Variants in PPP1R7 observed in about 807,000 individuals in gnomAD.
PPP1R7 encodes the protein protein phosphatase 1 regulatory subunit 22.
A neutral mutation model predicts 45.2 loss-of-function variants in PPP1R7; 18 were observed. The observed-to-expected ratio is 0.40, with a 90% CI of 0.28 to 0.59. PPP1R7 has a LOEUF of 0.59. PPP1R7 is among the 20% of genes least tolerant of loss of function. The pLI is 0.46. For missense variants in PPP1R7, 314 were observed against 455.8 expected (o/e 0.69, Z 2.83); for synonymous variants, 181 against 183.4 (o/e 0.99, Z 0.11).
rs541785249 is a variant in PPP1R7, at chr2:241,164,676, A to G, written c.714+1275A>G. Among the ~76,000 whole-genome samples the G allele has an allele frequency of 1.1e-3, 164 of 152,220 alleles. 1 individual carries two copies. In the South Asian group the frequency reaches 0.032, roughly 29 times the overall value. On this transcript the variant is annotated intron_variant, in intron 7 of 9. Coordinates refer to ENST00000234038, the MANE Select transcript of PPP1R7 (RefSeq NM_002712.3). ...CACTTCGGGAGATCTAGGCGGTCAG[A>G]TCGCTTGAGCCCAGGAGTTCAAGAC...
intron 9 of PPP1R7, among the ~76,000 whole-genome samples, chr2:241,171,269 A>T (rs533922481): frequency 6.6e-6 from 1 of 152,340 alleles, no homozygotes; most frequent in South Asian, 2.1e-4. Context: ...GGGGCCAGGT[A>T]GTGCCTGACC....
Position 241,158,614 on chromosome 2 carries a change from G to T in PPP1R7, c.303+65G>T. Reference sequence around the variant, plus strand: ...ATAGGATGTGGATAAGTCCAGAATCGAGCAGTCAGTCCTGAGTTGTGGTCC... The same window carrying T: ...ATAGGATGTGGATAAGTCCAGAATCTAGCAGTCAGTCCTGAGTTGTGGTCC... On this transcript the variant is annotated intron_variant, in intron 4 of 9. Transcript: ENST00000234038. 2.0e-6 allele frequency: 3 copies of T among 1,506,570 alleles called. No homozygotes were observed. In the South Asian group the frequency reaches 3.4e-5, roughly 17 times the overall value. 93.3% of individuals were successfully genotyped at this position (1,506,570 alleles called of 1,614,324 possible).
rs1165340823 is a variant in PPP1R7 at position 241,158,695 on chromosome 2, A to G, written c.303+146A>G. On this transcript the variant is annotated intron_variant, in intron 4 of 9. Transcript: ENST00000234038. ...TCCACCTTGTAGCAGGCCTTTCTTT[A>G]CTGGGAGCACAGCAGGTGTGAGACA... 5.4e-6 allele frequency: 4 copies of G among 734,062 alleles called. No individual in the cohort carries two copies. In the African/African-American group the frequency reaches 7.0e-5, roughly 13 times the overall value. The allele number at this position is 734,062 out of a possible 1,614,324, so 45.5% of individuals were successfully genotyped here. A position where few individuals can be genotyped will look rare whatever the true frequency, so the allele number is the denominator to read the frequency against.
chr2:241,179,189 G>A (rs1312895180), intron 9 of PPP1R7, among the ~76,000 whole-genome samples: 1 of 152,166 alleles, frequency 6.6e-6, no homozygotes, highest in Non-Finnish European at 1.5e-5. Context: ...TTCGGGCAAG[G>A]GATCAGCTGC....
chr2:241,150,767 A>T (rs2067255935), intron 1 of PPP1R7, among the ~76,000 whole-genome samples: 1 of 151,768 alleles, frequency 6.6e-6, no homozygotes, highest in Non-Finnish European at 1.5e-5. Flanking sequence ...ACCCAGAGCT[A>T]GGGGGAGAGC....
rs981345825 is a variant in PPP1R7 at position 241,152,544 on chromosome 2, C to A, written c.53-932C>A. On this transcript the variant is annotated intron_variant, in intron 1 of 9. Coordinates refer to ENST00000234038, the MANE Select transcript of PPP1R7 (RefSeq NM_002712.3). Reference sequence around the variant, plus strand: ...GTTTTGGAGGTGGGTTTTATAAGGACTTGTTTTCTACAGCAATCCTTTCTT... The same window carrying A: ...GTTTTGGAGGTGGGTTTTATAAGGAATTGTTTTCTACAGCAATCCTTTCTT... Among the ~76,000 whole-genome samples the A allele has an allele frequency of 2.0e-5, 3 of 152,214 alleles. No individual in the cohort carries two copies. In the South Asian group the frequency reaches 6.2e-4, roughly 31 times the overall value.
At chr2:241,165,175 G>GT (rs552300983) in intron 7 of PPP1R7, among the ~76,000 whole-genome samples, 46 of 150,914 alleles carry the variant, frequency 3.0e-4, no homozygotes, top group East Asian at 1.8e-3. Flanking sequence ...CTTTTTTTTG[G>GT]TTTTTTTTTG....
At chr2:241,172,947 T>A (rs1007312942) in intron 9 of PPP1R7, among the ~76,000 whole-genome samples, 1 of 151,800 alleles carries the variant, frequency 6.6e-6, no homozygotes, top group Non-Finnish European at 1.5e-5. Flanking sequence ...CTGGTTTGCA[T>A]TATTTCTCCT....
chr2:241,154,622 T>A (rs2067407087), intron 2 of PPP1R7, among the ~76,000 whole-genome samples: 1 of 152,184 alleles, frequency 6.6e-6, no homozygotes, highest in African/African-American at 2.4e-5. Flanking sequence ...GGAGAATCGC[T>A]TGAACCAGGG....
intron 4 of PPP1R7, 178 bp downstream of exon 4, chr2:241,158,727 G>A (rs1043623931): frequency 2.5e-5 from 15 of 611,644 alleles, no homozygotes; most frequent in East Asian, 1.4e-4. Context: ...GACAGCAGTC[G>A]AGGGACTTGA....
intron 8 of PPP1R7, chr2:241,166,995 G>C (rs1423471456): frequency 6.4e-7 from 1 of 1,556,820 alleles, no homozygotes; most frequent in South Asian, 1.1e-5. Flanking sequence ...TTCCACACCT[G>C]TCCTCACCTG....
chr2:241,150,327 G>C (rs2067227435), upstream of PPP1R7: 26 of 1,322,996 alleles, frequency 2.0e-5, no homozygotes, highest in Non-Finnish European at 3.9e-6. Flanking sequence ...CGCGGCGCGC[G>C]GCCTCATGAC....
At position 241,166,315 on chromosome 2, in the gene PPP1R7, C is replaced by CTG. The variant is rs751969507; in HGVS notation, c.715-17_715-16dup. ...CATACCTTCTGTACTGTTCTGACAG[C>CTG]TGTGTGCTCTCCCTCTTGCAGAGCA... On this transcript the variant is annotated intron_variant, in intron 7 of 9. Transcript: ENST00000234038. 2.5e-6 allele frequency: 4 copies of CTG among 1,598,686 alleles called. No individual in the cohort carries two copies. The South Asian group carries it at 4.4e-5, about 18-fold the overall frequency.
At chr2:241,159,981 A>G (rs561946536) in intron 5 of PPP1R7, among the ~76,000 whole-genome samples, 17 of 152,288 alleles carry the variant, frequency 1.1e-4, no homozygotes, top group African/African-American at 3.6e-4. Context: ...TTCTAATTCA[A>G]TACTTCTCAG....
intron 7 of PPP1R7, among the ~76,000 whole-genome samples, chr2:241,164,444 G>A (rs2149059833): frequency 6.6e-6 from 1 of 152,342 alleles, no homozygotes; most frequent in African/African-American, 2.4e-5. Flanking sequence ...TGTGTTGGAA[G>A]CAAATTAGCA....
At chr2:241,180,462 G>A (rs1445773109) in intron 9 of PPP1R7, among the ~76,000 whole-genome samples, 3 of 150,878 alleles carry the variant, frequency 2.0e-5, no homozygotes, top group Admixed American at 6.6e-5. Flanking sequence ...ACAGATTTGC[G>A]TTGGGCCTCA....
At chr2:241,181,453 A>C (rs1028944790) in intron 9 of PPP1R7, among the ~76,000 whole-genome samples, 1 of 151,498 alleles carries the variant, frequency 6.6e-6, no homozygotes, top group African/African-American at 2.4e-5. Flanking sequence ...TGATCACCCC[A>C]CTCCTTACCT....
At chr2:241,159,464 G>C (rs2067536351) in intron 5 of PPP1R7, 121 bp downstream of exon 5, 6 of 1,272,970 alleles carry the variant, frequency 4.7e-6, no homozygotes, top group Non-Finnish European at 6.4e-6. Context: ...TCTGCCACAG[G>C]GTCCTGCCCT....
intron 8 of PPP1R7, among the ~76,000 whole-genome samples, chr2:241,167,513 G>A (rs893122151): frequency 1.1e-4 from 16 of 152,140 alleles, no homozygotes; most frequent in Admixed American, 8.5e-4. Context: ...GGTTGGGGCC[G>A]GGTGGGGTGC....
Sources: gnomAD v4.1 joint callset for allele counts (sites outside exome capture counted in the v4.1 genomes callset) on GRCh38, gnomAD v4.1.1 for gene constraint, MANE v1.5 for transcripts, NCBI Gene and HGNC (gene_info 2026-07-23, HGNC 2026-07-21) for gene names.